The following SEC11A variants were observed in gnomAD, a reference collection of about 807,000 sequenced individuals.
SEC11A encodes the protein signal peptidase complex catalytic subunit SEC11A.
SEC11A carries 14 observed loss-of-function variants against 25.6 expected under a neutral mutation model. The ratio of observed to expected loss-of-function variants is 0.55; its 90% CI spans 0.36 to 0.85. The LOEUF (loss-of-function observed/expected upper bound fraction) is 0.85, where lower values mean the gene tolerates loss of function less well. SEC11A is among the 40% of genes least tolerant of loss of function. The probability of loss-of-function intolerance (pLI) is 0.01; values close to 1 mark genes in which losing one functional copy is unlikely to be tolerated. For synonymous variants in SEC11A, 83 were observed against 76.4 expected, an observed-to-expected ratio of 1.09 and a Z score of -0.45; for missense variants, 153 against 222.9, an observed-to-expected ratio of 0.69 and a Z score of 2.00.
intron 3 of SEC11A, among the ~76,000 whole-genome samples, chr15:84,683,303 T>A (rs892533190): frequency 6.6e-6 from 1 of 151,518 alleles, no homozygotes. Context: ...GAGATAAAAA[T>A]CCAGGAAAAG....
chr15:84,674,839 C>T (rs1897095603), intron 4 of SEC11A, among the ~76,000 whole-genome samples: 3 of 152,294 alleles, frequency 2.0e-5, no homozygotes, highest in East Asian at 1.9e-4. Context: ...AGATTACAAG[C>T]GTGAGCCACC....
At chr15:84,700,103 T>C (rs1430644100) in intron 1 of SEC11A, among the ~76,000 whole-genome samples, 1 of 151,942 alleles carries the variant, frequency 6.6e-6, no homozygotes, top group Admixed American at 6.5e-5. Context: ...CCAACTAACT[T>C]GCCTGTAACC....
At chr15:84,694,394 T>C (rs570908880) in intron 1 of SEC11A, among the ~76,000 whole-genome samples, 3 of 152,202 alleles carry the variant, frequency 2.0e-5, no homozygotes, top group South Asian at 2.1e-4. Flanking sequence ...TTAGTTGTTA[T>C]ATTTGGGGGT....
intron 1 of SEC11A, among the ~76,000 whole-genome samples, chr15:84,694,147 A>T (rs1897690802): frequency 6.6e-6 from 1 of 151,454 alleles, no homozygotes; most frequent in African/African-American, 2.4e-5. Flanking sequence ...TTGAGGCCAG[A>T]AGTAGGAGAC....
chr15:84,698,498 T>C (rs181085422), intron 1 of SEC11A, among the ~76,000 whole-genome samples: 4 of 152,290 alleles, frequency 2.6e-5, no homozygotes, highest in African/African-American at 7.2e-5. Flanking sequence ...AGAAGTGAAA[T>C]TGACGGTGCT....
At chr15:84,715,674 C>T (rs756935605) in intron 1 of SEC11A, among the ~76,000 whole-genome samples, 5 of 152,180 alleles carry the variant, frequency 3.3e-5, no homozygotes, top group Non-Finnish European at 7.3e-5. Context: ...GGAGTCGCTC[C>T]GACTGGAGAA....
In SEC11A at chr15:84,711,069, C is replaced by CA. The variant is rs201268033; in HGVS notation, c.51+4955dup. ...TGCAAAACAGAGCAAGACTCCATCT[C>CA]AAAAAAAAAAAAAAATGCTCATATT... is the stretch of plus-strand genomic sequence containing the variant. On this transcript the variant is annotated intron_variant, in intron 1 of 5. Coordinates refer to ENST00000268220, the MANE Select transcript of SEC11A (RefSeq NM_014300.4). Among the ~76,000 whole-genome samples the CA allele has an allele frequency of 9.9e-3, 1,157 of 116,492 alleles. 14 individuals are homozygous for CA. Among genetic ancestry groups the CA allele is most frequent in the East Asian group, 0.068 (274 of 4,018 alleles). The allele number at this position is 116,492 out of a possible 152,430, so 76.4% of individuals were successfully genotyped here.
intron 4 of SEC11A, among the ~76,000 whole-genome samples, chr15:84,677,618 A>G (rs977289352): frequency 6.6e-6 from 1 of 151,340 alleles, no homozygotes; most frequent in African/African-American, 2.4e-5. Flanking sequence ...GACTACAGGC[A>G]CCCGCCACCA....
At chr15:84,706,291 T>G (rs1898091870) in intron 1 of SEC11A, among the ~76,000 whole-genome samples, 1 of 152,190 alleles carries the variant, frequency 6.6e-6, no homozygotes, top group Admixed American at 6.5e-5. Context: ...TTAAGACTGC[T>G]ACTTGGTCAC....
intron 1 of SEC11A, among the ~76,000 whole-genome samples, chr15:84,694,858 G>A (rs529241531): frequency 5.3e-5 from 8 of 150,586 alleles, no homozygotes; most frequent in South Asian, 2.1e-4. Flanking sequence ...TTGAGAGGCC[G>A]AGGCAGGCGG....
intron 3 of SEC11A, among the ~76,000 whole-genome samples, chr15:84,681,358 G>A (rs1175533336): frequency 2.6e-5 from 4 of 152,202 alleles, no homozygotes; most frequent in South Asian, 2.1e-4. Flanking sequence ...GGCCAGGCGC[G>A]GTGGCTCACG....
chr15:84,706,919 G>C (rs981703063), intron 1 of SEC11A, among the ~76,000 whole-genome samples: 5 of 152,178 alleles, frequency 3.3e-5, no homozygotes, highest in African/African-American at 9.7e-5. Context: ...GACAGACACT[G>C]ACAGGCTAGC....
At chr15:84,685,393 GACT>G (rs902407303) in intron 3 of SEC11A, among the ~76,000 whole-genome samples, 1 of 151,196 alleles carries the variant, frequency 6.6e-6, no homozygotes, top group African/African-American at 2.4e-5. Flanking sequence ...GAGCAGCTGG[GACT>G]ACAAGTGCAC....
At chr15:84,712,919 T>C (rs779593547) in intron 1 of SEC11A, among the ~76,000 whole-genome samples, 4 of 151,972 alleles carry the variant, frequency 2.6e-5, no homozygotes, top group East Asian at 1.9e-4. Flanking sequence ...TAAAAACTTA[T>C]CGGCCGGCCG....
intron 3 of SEC11A, among the ~76,000 whole-genome samples, chr15:84,682,434 A>G (rs1897304681): frequency 6.6e-6 from 1 of 151,768 alleles, no homozygotes; most frequent in African/African-American, 2.4e-5. Context: ...CAGGAACAGT[A>G]TTTTGTTTTT....
Position 84,716,107 on chromosome 15 carries a change from G to T in SEC11A, c.-32C>A, listed in dbSNP as rs781568910. 3 of 1,609,366 alleles carry T rather than the reference G, an allele frequency of 1.9e-6. No homozygotes were observed. The highest frequency in any genetic ancestry group is 2.2e-5 in the East Asian group (1 of 44,844). Reference sequence around the variant, plus strand: ...GACGGCGAGCAGGACACCGGCAGGGGAAAGGGCGCGATGACCAGCGGGCGG... The same window carrying T: ...GACGGCGAGCAGGACACCGGCAGGGTAAAGGGCGCGATGACCAGCGGGCGG... On this transcript the variant is annotated 5_prime_UTR_variant, in exon 1 of 6. Coordinates refer to ENST00000268220, the MANE Select transcript of SEC11A (RefSeq NM_014300.4).
intron 4 of SEC11A, chr15:84,673,217 GC>G: frequency 5.2e-6 from 1 of 190,544 alleles, no homozygotes; most frequent in Non-Finnish European, 1.1e-5. Flanking sequence ...GAAGTGAGGA[GC>G]CCCTCTGCCC....
At chr15:84,696,961 C>A (rs1032304101) in intron 1 of SEC11A, among the ~76,000 whole-genome samples, 1 of 151,214 alleles carries the variant, frequency 6.6e-6, no homozygotes, top group Admixed American at 6.6e-5. Context: ...GGTGGGAGGA[C>A]TGCTTGAGCC....
intron 1 of SEC11A, among the ~76,000 whole-genome samples, chr15:84,710,123 A>C (rs1161489416): frequency 2.6e-5 from 4 of 152,224 alleles, no homozygotes; most frequent in Non-Finnish European, 5.9e-5. Flanking sequence ...TAAAATGTGT[A>C]ATCAGTTGTT....
Sources: gnomAD v4.1 joint callset for allele counts (sites outside exome capture counted in the v4.1 genomes callset) on GRCh38, gnomAD v4.1.1 for gene constraint, MANE v1.5 for transcripts, NCBI Gene and HGNC (gene_info 2026-07-23, HGNC 2026-07-21) for gene names.